Variants in STXBP5L observed in about 807,000 individuals in gnomAD.
STXBP5L encodes the protein syntaxin binding protein 5L, also known as syntaxin-binding protein 5-like.
A neutral mutation model predicts 144.5 loss-of-function variants in STXBP5L; 65 were observed. The ratio of observed to expected loss-of-function variants is 0.45; its 90% CI spans 0.37 to 0.55. STXBP5L has a LOEUF of 0.55. Among genes scored for constraint, STXBP5L ranks in the 20% least tolerant of loss-of-function variants. The pLI, the probability that STXBP5L is intolerant of heterozygous loss-of-function variation, is 0.00. For synonymous variants in STXBP5L, 505 were observed against 469.6 expected, an observed-to-expected ratio of 1.08 and a Z score of -0.97; for missense variants, 1,298 against 1,405.5, an observed-to-expected ratio of 0.92 and a Z score of 1.22.
At chr3:120,971,486 T>C (rs908489569) in intron 3 of STXBP5L, among the ~76,000 whole-genome samples, 6 of 151,970 alleles carry the variant, frequency 3.9e-5, no homozygotes, top group African/African-American at 1.4e-4. Flanking sequence ...ATGTGGTTAG[T>C]GAGAACATGT....
chr3:121,385,792 C>T (rs898149540), intron 22 of STXBP5L, among the ~76,000 whole-genome samples: 39 of 152,074 alleles, frequency 2.6e-4, no homozygotes, highest in African/African-American at 8.7e-4. Context: ...CTCCCTAAGT[C>T]AAACTTATTT....
At chr3:121,235,629 A>C (rs2049452721) in intron 12 of STXBP5L, among the ~76,000 whole-genome samples, 2 of 152,096 alleles carry the variant, frequency 1.3e-5, no homozygotes, top group Non-Finnish European at 2.9e-5. Context: ...TAGAAATATT[A>C]ATAATTTCTA....
chr3:121,372,672 C>A (rs751220865), intron 20 of STXBP5L, among the ~76,000 whole-genome samples: 25 of 151,980 alleles, frequency 1.6e-4, no homozygotes, highest in Non-Finnish European at 3.4e-4. Context: ...TGTGTCTTCC[C>A]TCCATCTGCT....
At chr3:120,949,126 T>C (rs1711038593) in intron 2 of STXBP5L, among the ~76,000 whole-genome samples, 1 of 152,034 alleles carries the variant, frequency 6.6e-6, no homozygotes, top group Non-Finnish European at 1.5e-5. Flanking sequence ...TGGTATCTCA[T>C]TGTGGTTTTA....
intron 22 of STXBP5L, among the ~76,000 whole-genome samples, chr3:121,405,223 A>T (rs1486067487): frequency 6.6e-6 from 1 of 152,102 alleles, no homozygotes; most frequent in Non-Finnish European, 1.5e-5. Flanking sequence ...TTTTTACAAG[A>T]GGTTGGCAGG....
intron 9 of STXBP5L, among the ~76,000 whole-genome samples, chr3:121,199,741 CAT>C (rs2048064498): frequency 6.6e-6 from 1 of 152,106 alleles, no homozygotes; most frequent in Non-Finnish European, 1.5e-5. Context: ...TTGAGATAAT[CAT>C]GTGGTTTTTG....
At chr3:120,952,786 G>T (rs1419849034) in intron 2 of STXBP5L, among the ~76,000 whole-genome samples, 1 of 151,778 alleles carries the variant, frequency 6.6e-6, no homozygotes, top group Non-Finnish European at 1.5e-5. Context: ...AATGAATAAG[G>T]GTGTGTACAA....
intron 2 of STXBP5L, among the ~76,000 whole-genome samples, chr3:120,935,150 A>G (rs1258984312): frequency 6.6e-6 from 1 of 150,808 alleles, no homozygotes; most frequent in African/African-American, 2.4e-5. Context: ...CTCCTCTCTT[A>G]TTAATTCTAC....
At chr3:121,386,521 T>C (rs2046429134) in intron 22 of STXBP5L, among the ~76,000 whole-genome samples, 2 of 152,140 alleles carry the variant, frequency 1.3e-5, no homozygotes, top group Admixed American at 1.3e-4. Context: ...TCATTTACAT[T>C]AGGTATTTCT....
Position 121,421,993 on chromosome 3 carries a change from A to G in STXBP5L, c.*2896A>G, listed in dbSNP as rs1231795435. 2 of 152,142 alleles carry G rather than the reference A, an allele frequency of 1.3e-5. No individual in the cohort carries two copies. Among genetic ancestry groups the G allele is most frequent in the East Asian group, 3.8e-4 (2 of 5,202 alleles). The allele number at this position is 152,142 out of a possible 1,614,324, so 9.4% of individuals were successfully genotyped here. On this transcript the variant is annotated 3_prime_UTR_variant, in exon 27 of 27. Transcript: ENST00000471454. ...CAAATTAATGAGGTTTTACTGTATC[A>G]AAATTATTTTTATAATTCAAAGAGA...
At chr3:120,924,023 A>T (rs1256572769) in intron 2 of STXBP5L, among the ~76,000 whole-genome samples, 1 of 152,258 alleles carries the variant, frequency 6.6e-6, no homozygotes, top group South Asian at 2.1e-4. Context: ...TATGTAAAAG[A>T]TGTTTCATTT....
intron 17 of STXBP5L, among the ~76,000 whole-genome samples, chr3:121,258,568 A>C (rs2050285277): frequency 1.3e-5 from 2 of 152,180 alleles, no homozygotes; most frequent in Non-Finnish European, 2.9e-5. Flanking sequence ...TAGCATCAGT[A>C]GTATTTGATA....
At chr3:121,143,320 G>T (rs540515214) in intron 7 of STXBP5L, among the ~76,000 whole-genome samples, 1 of 150,424 alleles carries the variant, frequency 6.6e-6, no homozygotes, top group East Asian at 1.9e-4. Context: ...CTTGAAAAGG[G>T]GAAAACATTG....
In STXBP5L at chr3:121,051,764, C is replaced by CA. The variant is rs528639843; in HGVS notation, c.470+6236dup. Among the ~76,000 whole-genome samples the CA allele has an allele frequency of 6.2e-3, 935 of 151,752 alleles. 9 individuals carry two copies. The highest frequency in any genetic ancestry group is 0.021 in the African/African-American group (886 of 41,338). Reference sequence around the variant, plus strand: ...AGCAGAACTGAAGGAAATAGAGACACAAAAAAACCCTTCAAAAAATTAATG... The same window carrying CA: ...AGCAGAACTGAAGGAAATAGAGACACAAAAAAAACCCTTCAAAAAATTAATG... On this transcript the variant is annotated intron_variant, in intron 5 of 26. Coordinates refer to ENST00000471454, the MANE Select transcript of STXBP5L (RefSeq NM_001308330.2).
At chr3:121,336,875 A>G (rs1215756851) in intron 20 of STXBP5L, among the ~76,000 whole-genome samples, 1 of 152,236 alleles carries the variant, frequency 6.6e-6, no homozygotes, top group Non-Finnish European at 1.5e-5. Context: ...GGCAGATTGA[A>G]TAAAGAAAAT....
At chr3:121,053,861 G>A (rs890769223) in intron 5 of STXBP5L, among the ~76,000 whole-genome samples, 6 of 151,732 alleles carry the variant, frequency 4.0e-5, no homozygotes, top group Admixed American at 3.9e-4. Flanking sequence ...CTAATATCCA[G>A]AATCTACAAT....
rs1449356026 is a variant in STXBP5L at position 120,952,686 on chromosome 3, G to A, written c.190-2254G>A. On this transcript the variant is annotated intron_variant, in intron 2 of 26. Transcript: ENST00000471454. ...TTCTATAGTTCTGACAACAATTAATGTCATTTTTCTTCTTTTGGCATTGAT... is the reference window on the plus strand; with the variant it reads ...TTCTATAGTTCTGACAACAATTAATATCATTTTTCTTCTTTTGGCATTGAT... Among the ~76,000 whole-genome samples, 6 of 152,114 alleles carry A rather than the reference G, an allele frequency of 3.9e-5. No individual in the cohort carries two copies. In the East Asian group the frequency reaches 5.8e-4, roughly 15 times the overall value.
intron 20 of STXBP5L, among the ~76,000 whole-genome samples, chr3:121,324,081 T>C (rs1192684062): frequency 6.6e-6 from 1 of 152,140 alleles, no homozygotes; most frequent in Non-Finnish European, 1.5e-5. Context: ...TAATTCTCAG[T>C]GCACAATCTA....
At chr3:121,355,095 C>G (rs182919156) in intron 20 of STXBP5L, among the ~76,000 whole-genome samples, 177 of 152,284 alleles carry the variant, frequency 1.2e-3, no homozygotes, top group Non-Finnish European at 1.9e-3. Flanking sequence ...GGTAACTCGA[C>G]CTTTCTCTCT....
Sources: gnomAD v4.1 joint callset for allele counts (sites outside exome capture counted in the v4.1 genomes callset) on GRCh38, gnomAD v4.1.1 for gene constraint, MANE v1.5 for transcripts, NCBI Gene and HGNC (gene_info 2026-07-23, HGNC 2026-07-21) for gene names.